The following TENM1 variants were observed in gnomAD, a reference collection of about 807,000 sequenced individuals.
TENM1 encodes teneurin transmembrane protein 1.
In TENM1, 35 loss-of-function variants were observed where a neutral mutation model predicts 174.8. The ratio of observed to expected loss-of-function variants is 0.20; its 90% CI spans 0.15 to 0.27. The LOEUF (loss-of-function observed/expected upper bound fraction) is 0.27. Among genes scored for constraint, TENM1 ranks in the 10% least tolerant of loss-of-function variants. The probability of loss-of-function intolerance (pLI) is 1.00; values close to 1 mark genes in which losing one functional copy is unlikely to be tolerated. For missense variants in TENM1, 1,633 were observed against 2,130.1 expected, an observed-to-expected ratio of 0.77 and a Z score of 4.59; for synonymous variants, 781 against 798.7, an observed-to-expected ratio of 0.98 and a Z score of 0.37.
chrX:124,941,389 TTC>T (rs1219523557), intron 1 of TENM1, among the ~76,000 whole-genome samples: 1 of 111,826 alleles, frequency 8.9e-6, no homozygotes, highest in Non-Finnish European at 1.9e-5. Context: ...ATTAGTCCAC[TTC>T]TCAGCAATTT....
At chrX:124,661,689 C>T (rs1193080054) in intron 6 of TENM1, among the ~76,000 whole-genome samples, 4 of 111,773 alleles carry the variant, frequency 3.6e-5, no homozygotes, top group African/African-American at 9.8e-5. Flanking sequence ...AGAACATTCA[C>T]ATCTGTCTAA....
chrX:124,494,338 T>C (rs1224288401), intron 20 of TENM1, among the ~76,000 whole-genome samples: 26 of 110,852 alleles, frequency 2.3e-4, no homozygotes, highest in Non-Finnish European at 7.6e-5. Context: ...AGCATCTAGA[T>C]CTTCTGAACA....
rs1602609132 is a variant in TENM1, at chrX:124,531,033, C to G, written c.2652-1050G>C. 2.7e-5 allele frequency among the ~76,000 whole-genome samples: 3 copies of G among 110,087 alleles called. No homozygotes were observed. In the South Asian group the frequency reaches 1.2e-3, roughly 43 times the overall value. On this transcript the variant is annotated intron_variant, in intron 15 of 31. Transcript: ENST00000422452. ...GAGTTTAATCCTAGTCTTGGCAGCC[C>G]TGAGCTCTTGGACATGAATTTTATA...
chrX:124,998,079 T>G, the TENM1 span, among the ~76,000 whole-genome samples: 1 of 102,999 alleles, frequency 9.7e-6, no homozygotes, highest in African/African-American at 3.7e-5. Context: ...AATGGAGAGT[T>G]TCATTTTAGA....
intron 3 of TENM1, among the ~76,000 whole-genome samples, chrX:124,851,884 GAAACA>G (rs1053034793): frequency 9.0e-6 from 1 of 111,134 alleles, no homozygotes; most frequent in Non-Finnish European, 1.9e-5. Context: ...CAAAGTTTTT[GAAACA>G]CAATGTAAAT....
chrX:124,825,342 T>G, intron 3 of TENM1, among the ~76,000 whole-genome samples: 1 of 105,873 alleles, frequency 9.4e-6, no homozygotes, highest in East Asian at 2.9e-4. Context: ...AATATATATA[T>G]TTAGTAGAGA....
chrX:125,042,348 C>T, the TENM1 span, among the ~76,000 whole-genome samples: 1 of 111,408 alleles, frequency 9.0e-6, no homozygotes, highest in Admixed American at 9.6e-5. Flanking sequence ...TTTAAGTCCT[C>T]TTTCCCTATT....
At chrX:124,427,099 A>G (rs779696901) in intron 23 of TENM1, among the ~76,000 whole-genome samples, 15 of 111,998 alleles carry the variant, frequency 1.3e-4, no homozygotes, top group Non-Finnish European at 2.8e-4. Context: ...ATTTCCGTAC[A>G]ACACTCCCAT....
At chrX:125,194,469 T>C in the TENM1 span, among the ~76,000 whole-genome samples, 16 of 111,349 alleles carry the variant, frequency 1.4e-4, no homozygotes, top group Non-Finnish European at 2.8e-4. Flanking sequence ...CCTTCCTCCA[T>C]ACTGGTGATG....
At chrX:124,389,473 T>C (rs2060259574) in intron 28 of TENM1, among the ~76,000 whole-genome samples, 1 of 112,644 alleles carries the variant, frequency 8.9e-6, no homozygotes, top group Non-Finnish European at 1.9e-5. Context: ...ATGAGAGGAC[T>C]GGAAAGAACA....
chrX:125,053,081 C>G, the TENM1 span, among the ~76,000 whole-genome samples: 3 of 111,850 alleles, frequency 2.7e-5, no homozygotes, highest in Non-Finnish European at 5.6e-5. Flanking sequence ...GCTGCTAAAA[C>G]TATAACAAAA....
chrX:124,847,880 T>C (rs974452610), intron 3 of TENM1, among the ~76,000 whole-genome samples: 11 of 111,390 alleles, frequency 9.9e-5, no homozygotes, highest in African/African-American at 3.6e-4. Flanking sequence ...TTATTATATA[T>C]TATCAAGACA....
chrX:124,655,543 C>T (rs1431789394), intron 6 of TENM1, among the ~76,000 whole-genome samples: 3 of 111,897 alleles, frequency 2.7e-5, no homozygotes, highest in Non-Finnish European at 5.6e-5. Context: ...CACACATGGT[C>T]TCTGTTCTTT....
chrX:124,552,325 C>T (rs1173415258), intron 14 of TENM1, among the ~76,000 whole-genome samples: 3 of 111,698 alleles, frequency 2.7e-5, no homozygotes, highest in African/African-American at 6.5e-5. Flanking sequence ...CTAGGCACTC[C>T]TGTTAGCTTA....
At chrX:124,953,978 A>AT (rs771645515) in intron 1 of TENM1, among the ~76,000 whole-genome samples, 2 of 111,935 alleles carry the variant, frequency 1.8e-5, no homozygotes, top group Non-Finnish European at 3.8e-5. Context: ...TCAAAAAGTC[A>AT]TGTAGCCTCA....
At chrX:125,153,182 T>C in the TENM1 span, among the ~76,000 whole-genome samples, 1 of 111,778 alleles carries the variant, frequency 8.9e-6, no homozygotes, top group African/African-American at 3.3e-5. Flanking sequence ...ACATATGACT[T>C]TGGGGGAGGG....
chrX:124,413,377 AG>A (rs1215447214), intron 25 of TENM1, among the ~76,000 whole-genome samples: 1 of 111,916 alleles, frequency 8.9e-6, no homozygotes, highest in Non-Finnish European at 1.9e-5. Context: ...TGTCTGGAAC[AG>A]AGTAGATCTC....
chrX:125,128,878 T>C, the TENM1 span, among the ~76,000 whole-genome samples: 1 of 111,176 alleles, frequency 9.0e-6, no homozygotes, highest in South Asian at 3.9e-4. Flanking sequence ...GTGTTGGTTA[T>C]GGACTGAATG....
At chrX:124,376,388 G>A (rs748958901) in exon 32 of TENM1, 33 of 112,166 alleles carry the variant, frequency 2.9e-4, no homozygotes, top group African/African-American at 9.4e-4. Context: ...AGATTTAGAC[G>A]TTGTCATGAT....
Sources: allele counts gnomAD v4.1 joint callset (sites outside exome capture counted in the v4.1 genomes callset), GRCh38; gene constraint gnomAD v4.1.1; transcripts MANE v1.5; gene names NCBI Gene and HGNC (gene_info 2026-07-23, HGNC 2026-07-21).